The following ARID1B variants were observed in gnomAD, a reference collection of about 807,000 sequenced individuals.
ARID1B encodes the protein AT-rich interaction domain 1B, also known as AT-rich interactive domain-containing protein 1B.
Under a neutral mutation model 212.3 loss-of-function variants are expected in ARID1B, and 30 were observed. The ratio of observed to expected loss-of-function variants is 0.14; its 90% confidence interval spans 0.11 to 0.19. The LOEUF (loss-of-function observed/expected upper bound fraction) is 0.19. Among genes scored for constraint, ARID1B ranks in the 10% least tolerant of loss-of-function variants. The pLI, the probability that ARID1B is intolerant of heterozygous loss-of-function variation, is 1.00. For synonymous variants in ARID1B, 1,402 were observed against 1,301.7 expected (o/e 1.08, Z -1.66); for missense variants, 2,891 against 3,204.0 (o/e 0.90, Z 2.36).
chr6:157,162,316 T>G (rs1411871419), intron 8 of ARID1B, among the ~76,000 whole-genome samples: 1 of 152,258 alleles, frequency 6.6e-6, no homozygotes, highest in Non-Finnish European at 1.5e-5. Context: ...CAAACTGTAG[T>G]GGGAAGTGAT....
At position 156,779,366 on chromosome 6, in the gene ARID1B, G is replaced by A. The variant is rs1362162607; in HGVS notation, c.1686G>A (p.Met562Ile). Reference sequence around the variant, plus strand: ...CGGGCATGGGCTTGGGCAAGGACATGGGCGCCCAGTACGCCGCTGCCAGCC... The same window carrying A: ...CGGGCATGGGCTTGGGCAAGGACATAGGCGCCCAGTACGCCGCTGCCAGCC... ...AAAGMGLGKD[M>I]GAQYAAASPA... Residue 562 changes from methionine to isoleucine, a missense_variant, in exon 1 of 20, where the codon ATG becomes ATA. Met to Ile is a conservative substitution (Grantham distance 10). This residue lies in a region of ARID1B where 1,643 missense variants were observed against 1,544.0 expected (regional missense o/e 1.06). Coordinates refer to ENST00000636930, the MANE Select transcript of ARID1B (RefSeq NM_001374828.1). 1.5e-6 allele frequency: 2 copies of A among 1,339,822 alleles called. No individual in the cohort carries two copies. The highest frequency in any genetic ancestry group is 1.9e-6 in the Non-Finnish European group (2 of 1,039,792). 83.0% of individuals were successfully genotyped at this position (1,339,822 alleles called of 1,614,324 possible).
chr6:156,937,592 T>C (rs1021477510), intron 4 of ARID1B: 1 of 152,252 alleles, frequency 6.6e-6, no homozygotes, highest in Non-Finnish European at 1.5e-5. Flanking sequence ...GACATTCAGC[T>C]AACTCTACAG....
At chr6:156,879,275 G>A (rs745353694) in intron 2 of ARID1B, among the ~76,000 whole-genome samples, 2 of 152,210 alleles carry the variant, frequency 1.3e-5, no homozygotes, top group Non-Finnish European at 2.9e-5. Flanking sequence ...ACATCTCTCT[G>A]GTTGACTGAA....
intron 12 of ARID1B, 52 bp downstream of exon 12, chr6:157,181,230 T>C: frequency 6.3e-7 from 1 of 1,584,658 alleles, no homozygotes; most frequent in Non-Finnish European, 8.6e-7. Context: ...GGATAAGTTC[T>C]TACAGTGGCT....
chr6:157,185,496 C>G (rs959520999), intron 13 of ARID1B: 2 of 152,212 alleles, frequency 1.3e-5, no homozygotes, highest in African/African-American at 4.8e-5. Context: ...ATTTTCACAT[C>G]AGCCCTGTGA....
rs1778862883 is a variant in ARID1B at position 156,778,558 on chromosome 6, C to CGCA, written c.884_886dup (p.Gln295dup). ...CACCCGGGCTTGGGCGCCCTGGGCACGCAGCAGCCGCCGGTCGCCGTGCCC... is the reference window on the plus strand; with the variant it reads ...CACCCGGGCTTGGGCGCCCTGGGCACGCAGCAGCAGCCGCCGGTCGCCGTGCCC... On this transcript the variant is annotated inframe_insertion, in exon 1 of 20. Transcript: ENST00000636930. 1.6e-6 allele frequency: 2 copies of CGCA among 1,233,484 alleles called. No homozygotes were observed. The highest frequency in any genetic ancestry group is 1.6e-5 in the African/African-American group (1 of 63,288). 76.4% of individuals were successfully genotyped at this position (1,233,484 alleles called of 1,614,324 possible). A position where few individuals can be genotyped will look rare whatever the true frequency, so the allele number is the denominator to read the frequency against.
chr6:156,933,233 G>A (rs1043040633), intron 3 of ARID1B, among the ~76,000 whole-genome samples: 5 of 151,430 alleles, frequency 3.3e-5, no homozygotes, highest in Non-Finnish European at 5.9e-5. Context: ...CCTAGCTGAA[G>A]TTTACTTTAA....
intron 4 of ARID1B, among the ~76,000 whole-genome samples, chr6:157,056,138 C>T (rs909358501): frequency 3.3e-5 from 5 of 152,234 alleles, no homozygotes; most frequent in East Asian, 1.9e-4. Context: ...ATCTCCACAC[C>T]GCCCCCACCT....
At chr6:157,186,605 A>C (rs536558808) in intron 13 of ARID1B, 188 of 457,644 alleles carry the variant, frequency 4.1e-4, no homozygotes, top group African/African-American at 3.6e-3. Flanking sequence ...AAGGAAAATA[A>C]AATTATTCCC....
In ARID1B at chr6:156,865,027, A is replaced by G. The variant is rs201726686; in HGVS notation, c.1986+35606A>G. Among the ~76,000 whole-genome samples, 4 of 152,118 alleles carry G rather than the reference A, an allele frequency of 2.6e-5. No individual in the cohort carries two copies. In the East Asian group the frequency reaches 7.7e-4, roughly 29 times the overall value. Reference sequence around the variant, plus strand: ...CTGTCTCTCCTTGTAAGATGTTTAGATCCATCAGTTATGTCATCAGTTTTA... The same window carrying G: ...CTGTCTCTCCTTGTAAGATGTTTAGGTCCATCAGTTATGTCATCAGTTTTA... On this transcript the variant is annotated intron_variant, in intron 2 of 19. Transcript: ENST00000636930.
At chr6:156,811,000 G>A (rs187078489) in intron 1 of ARID1B, among the ~76,000 whole-genome samples, 4 of 152,220 alleles carry the variant, frequency 2.6e-5, no homozygotes, top group Non-Finnish European at 4.4e-5. Flanking sequence ...GGTGTCAGCC[G>A]GGCTGCATTC....
intron 3 of ARID1B, among the ~76,000 whole-genome samples, chr6:156,917,761 A>G (rs1790474729): frequency 6.6e-6 from 1 of 152,188 alleles, no homozygotes; most frequent in Non-Finnish European, 1.5e-5. Flanking sequence ...TTATTGTTCA[A>G]TATCATTTAA....
At chr6:156,935,316 G>T in intron 3 of ARID1B, 150 bp from the exon 4 acceptor site, 1 of 614,678 alleles carries the variant, frequency 1.6e-6, no homozygotes, top group Non-Finnish European at 2.9e-6. Context: ...CTGGGCTCAA[G>T]CGATCTGCCT....
chr6:156,823,650 A>G (rs931625735), intron 1 of ARID1B, among the ~76,000 whole-genome samples: 1 of 150,612 alleles, frequency 6.6e-6, no homozygotes, highest in Non-Finnish European at 1.5e-5. Flanking sequence ...TTTTAGATCA[A>G]CAAGATTCGA....
Position 157,139,794 on chromosome 6 carries a change from C to T in ARID1B, c.2761+6587C>T, listed in dbSNP as rs1188586335. Among the ~76,000 whole-genome samples, 4 of 151,538 alleles carry T rather than the reference C, an allele frequency of 2.6e-5. No homozygotes were observed. The South Asian group carries it at 8.3e-4, about 32-fold the overall frequency. On this transcript the variant is annotated intron_variant, in intron 7 of 19. Transcript: ENST00000636930. ...CTGGGGTGCAGTGGTGCAATCTCAG[C>T]TCACTGCAACCTCTGCCTCCTGGGT...
intron 4 of ARID1B, among the ~76,000 whole-genome samples, chr6:157,013,075 C>T (rs989203247): frequency 2.6e-5 from 4 of 152,302 alleles, no homozygotes; most frequent in Admixed American, 2.6e-4. Context: ...GACGGGGTTT[C>T]TCCATGTTGG....
chr6:156,963,044 G>A (rs7767524), intron 4 of ARID1B, among the ~76,000 whole-genome samples: 86,167 of 151,812 alleles, frequency 0.57, 25,149 homozygotes, highest in African/African-American at 0.71. Flanking sequence ...GCCCTCACAA[G>A]GTGCTGGGAT....
intron 2 of ARID1B, among the ~76,000 whole-genome samples, chr6:156,881,200 G>C (rs2128168334): frequency 6.6e-6 from 1 of 152,306 alleles, no homozygotes; most frequent in South Asian, 2.1e-4. Context: ...CTTGGAACCT[G>C]AGAAAGCTGA....
intron 2 of ARID1B, among the ~76,000 whole-genome samples, chr6:156,845,799 T>C (rs1472546971): frequency 6.6e-6 from 1 of 152,208 alleles, no homozygotes. Context: ...ACCATATCTT[T>C]ATTTCATTTG....
Sources: gnomAD v4.1 joint callset for allele counts (sites outside exome capture counted in the v4.1 genomes callset) on GRCh38, gnomAD v4.1.1 for gene constraint, gnomAD v4.1.1 regional missense constraint, MANE v1.5 for transcripts, NCBI Gene and HGNC (gene_info 2026-07-23, HGNC 2026-07-21) for gene names.